Variants in TMEM201 observed in about 807,000 individuals in gnomAD.
The protein encoded by TMEM201 is RP13-15M17.2.
In TMEM201, 26 loss-of-function variants were observed where a neutral mutation model predicts 63.4. The ratio of observed to expected loss-of-function variants is 0.41; its 90% CI spans 0.30 to 0.57. The LOEUF (loss-of-function observed/expected upper bound fraction) is 0.57, where lower values mean the gene tolerates loss of function less well. Ranked by LOEUF, TMEM201 falls within the 20% of genes least tolerant of loss-of-function variation. TMEM201 has a pLI of 0.29. For synonymous variants in TMEM201, 417 were observed against 421.6 expected, an observed-to-expected ratio of 0.99 and a Z score of 0.14; for missense variants, 794 against 917.7, an observed-to-expected ratio of 0.87 and a Z score of 1.74.
At chr1:9,597,868 C>T (rs1569924815) in intron 3 of TMEM201, among the ~76,000 whole-genome samples, 2 of 152,356 alleles carry the variant, frequency 1.3e-5, no homozygotes, top group East Asian at 3.9e-4. Context: ...CCCTCCTGGC[C>T]TTGCAGGCCA....
chr1:9,611,891 G>T lies in TMEM201; in HGVS notation c.1903+1G>T, dbSNP rs1225458209. 6.5e-7 allele frequency: 1 copy of T among 1,544,526 alleles called. No homozygotes were observed. ...TCGGAGGAGGCCGCCACCTGGAGAG[G>T]TCTGTACCCTGAGGTGCGGGAGGGG... is the stretch of plus-strand genomic sequence containing the variant. On this transcript the variant is annotated splice_donor_variant, in intron 10 of 10. Transcript: ENST00000340381. LOFTEE classifies it high-confidence loss of function.
chr1:9,604,042 C>T lies in TMEM201; in HGVS notation c.1160+1770C>T. ...GAACCGCCTGCCTGTGCACTCACGC[C>T]ACCCCCCAGCCCACAAAGAGCCCAT... is the stretch of plus-strand genomic sequence containing the variant. On this transcript the variant is annotated intron_variant, in intron 6 of 10. Transcript: ENST00000340381. The surrounding 1 kb of genome is among the most constrained non-coding windows in gnomAD (Gnocchi z 4.1). 8 of 985,416 alleles carry T rather than the reference C, an allele frequency of 8.1e-6. No individual in the cohort carries two copies. Among genetic ancestry groups the T allele is most frequent in the Non-Finnish European group, 9.6e-6 (8 of 829,948 alleles). 61.0% of individuals were successfully genotyped at this position (985,416 alleles called of 1,614,324 possible). A position where few individuals can be genotyped will look rare whatever the true frequency, so the allele number is the denominator to read the frequency against.
At chr1:9,593,639 G>T (rs1470680158) in intron 1 of TMEM201, among the ~76,000 whole-genome samples, 2 of 152,210 alleles carry the variant, frequency 1.3e-5, no homozygotes, top group Admixed American at 6.5e-5. Flanking sequence ...TGACTTCCTG[G>T]GGTGGGCGGG....
Position 9,601,407 on chromosome 1 carries a change from G to A in TMEM201, c.909G>A (p.Leu303=). 1 of 1,599,764 alleles carries A rather than the reference G, an allele frequency of 6.3e-7. No individual in the cohort carries two copies. Among genetic ancestry groups the A allele is most frequent in the South Asian group, 1.1e-5 (1 of 90,920 alleles). The change falls in exon 5 of 11, where the codon CTG becomes CTA. Residue 303 remains leucine (L), a synonymous_variant. Coordinates refer to ENST00000340381, the MANE Select transcript of TMEM201 (RefSeq NM_001130924.3). ...GQSHQTGVVA[L]GLLTCLLAML... The stretch of plus-strand genomic sequence containing the variant: ...GCCACCAGACGGGCGTCGTGGCACT[G>A]GGCCTACTCACCTGCCTGCTGGCAA...
chr1:9,610,907 T>C lies in TMEM201; in HGVS notation c.1765+102T>C. The C allele has an allele frequency of 1.3e-6, 2 of 1,490,008 alleles. No homozygotes were observed. The highest frequency in any genetic ancestry group is 2.5e-5 in the East Asian group (1 of 40,374). The allele number at this position is 1,490,008 out of a possible 1,614,324, so 92.3% of individuals were successfully genotyped here. A position where few individuals can be genotyped will look rare whatever the true frequency, so the allele number is the denominator to read the frequency against. On this transcript the variant is annotated intron_variant, in intron 9 of 10. Transcript: ENST00000340381. The surrounding 1 kb of genome is among the most constrained non-coding windows in gnomAD (Gnocchi z 4.9). The stretch of plus-strand genomic sequence containing the variant: ...GGGCTCATCCTTGCTCTGACTCCGG[T>C]GTGCGCCTTCCCACCCTGGAGCTCT...
At position 9,601,214 on chromosome 1, in the gene TMEM201, A is replaced by G. The variant is rs146348596; in HGVS notation, c.716A>G (p.His239Arg). 66 of 1,612,318 alleles carry G rather than the reference A, an allele frequency of 4.1e-5. No homozygotes were observed. The African/African-American group carries it at 7.7e-4, about 19-fold the overall frequency. The change falls in exon 5 of 11, where the codon CAC becomes CGC. Residue 239 changes from histidine (H) to arginine (R), a missense_variant. By Grantham distance (29) the His-to-Arg change is conservative. Coordinates refer to ENST00000340381, the MANE Select transcript of TMEM201 (RefSeq NM_001130924.3). ...ACCGCGCTGTATGGGGCCAGCGGAC[A>G]CTTCGCCCCAGGCACCACTGTGCCC... is the stretch of plus-strand genomic sequence containing the variant. ...LTTALYGASG[H>R]FAPGTTVPLA...
intron 10 of TMEM201, among the ~76,000 whole-genome samples, 157 bp from the exon 11 acceptor site, chr1:9,612,829 G>A (rs1431675804): frequency 1.3e-5 from 2 of 152,198 alleles, no homozygotes; most frequent in East Asian, 1.9e-4. Context: ...GGAAGCCTTT[G>A]GCCAAGAGAA....
At position 9,597,018 on chromosome 1, in the gene TMEM201, A is replaced by G. The variant is rs1644036463; in HGVS notation, c.394A>G (p.Ile132Val). 2.1e-5 allele frequency: 34 copies of G among 1,610,124 alleles called. No homozygotes were observed. In the East Asian group the frequency reaches 7.6e-4, roughly 36 times the overall value. ...KRCNHHQTTK[I>V]KQLAAFAPRE... ...GTGCAACCACCACCAGACCACCAAG[A>G]TCAAGCAGCTGGCCGCCTTCGCTCC... is the stretch of plus-strand genomic sequence containing the variant. Residue 132 changes from isoleucine (I) to valine (V), a missense_variant, in exon 3 of 11, where the codon ATC becomes GTC. By Grantham distance (29) the Ile-to-Val change is conservative. Transcript: ENST00000340381.
In TMEM201 at chr1:9,613,554, C is replaced by T. The variant is rs1046984659; in HGVS notation, c.*471C>T. 2 of 161,026 alleles carry T rather than the reference C, an allele frequency of 1.2e-5. No individual in the cohort carries two copies. The highest frequency in any genetic ancestry group is 1.2e-4 in the Admixed American group (2 of 16,476). The allele number at this position is 161,026 out of a possible 1,614,324, so 10.0% of individuals were successfully genotyped here. On this transcript the variant is annotated 3_prime_UTR_variant, in exon 11 of 11. Transcript: ENST00000340381. Reference sequence around the variant, plus strand: ...TCAGAGCCCCACTAAGCTGAAGGCCCCCTGGGGGAGGGGGAAGCATGGTCC... The same window carrying T: ...TCAGAGCCCCACTAAGCTGAAGGCCTCCTGGGGGAGGGGGAAGCATGGTCC...
rs1004977270 is a variant in TMEM201 at position 9,604,037 on chromosome 1, C to T, written c.1160+1765C>T. 2.0e-6 allele frequency: 2 copies of T among 985,348 alleles called. No individual in the cohort carries two copies. The highest frequency in any genetic ancestry group is 2.4e-6 in the Non-Finnish European group (2 of 829,972). 61.0% of individuals were successfully genotyped at this position (985,348 alleles called of 1,614,324 possible). A position where few individuals can be genotyped will look rare whatever the true frequency, so the allele number is the denominator to read the frequency against. ...GCAGGGAACCGCCTGCCTGTGCACT[C>T]ACGCCACCCCCCAGCCCACAAAGAG... is the stretch of plus-strand genomic sequence containing the variant. On this transcript the variant is annotated intron_variant, in intron 6 of 10. Transcript: ENST00000340381. This position sits in a 1 kb window ranked among gnomAD's most constrained non-coding sequence, Gnocchi z 4.1.
At chr1:9,612,444 G>A (rs1445778856) in intron 10 of TMEM201, among the ~76,000 whole-genome samples, 3 of 152,240 alleles carry the variant, frequency 2.0e-5, no homozygotes, top group Admixed American at 2.0e-4. Flanking sequence ...TGGGTGGGGA[G>A]GAGGGGGTGT....
At chr1:9,597,467 G>T (rs918673093) in intron 3 of TMEM201, among the ~76,000 whole-genome samples, 1 of 152,192 alleles carries the variant, frequency 6.6e-6, no homozygotes, top group East Asian at 1.9e-4. Context: ...TGGTGGCCCC[G>T]GCAGTCTGCT....
chr1:9,592,481 G>A (rs1643937283), intron 1 of TMEM201, among the ~76,000 whole-genome samples: 2 of 152,188 alleles, frequency 1.3e-5, no homozygotes, highest in South Asian at 2.1e-4. Context: ...AGCTCCCCAG[G>A]GCAGGGACCA....
At chr1:9,597,134 T>C (rs1644040525) in intron 3 of TMEM201, 81 bp downstream of exon 3, 3 of 1,469,672 alleles carry the variant, frequency 2.0e-6, no homozygotes, top group East Asian at 4.7e-5. Context: ...ACGTGCAGGG[T>C]GCTGACTCTG....
chr1:9,603,517 C>T lies in TMEM201; in HGVS notation c.1160+1245C>T. 1 of 985,596 alleles carries T rather than the reference C, an allele frequency of 1.0e-6. No individual in the cohort carries two copies. The highest frequency in any genetic ancestry group is 1.2e-6 in the Non-Finnish European group (1 of 830,022). The allele number at this position is 985,596 out of a possible 1,614,324, so 61.1% of individuals were successfully genotyped here. A position where few individuals can be genotyped will look rare whatever the true frequency, so the allele number is the denominator to read the frequency against. On this transcript the variant is annotated intron_variant, in intron 6 of 10. Transcript: ENST00000340381. The surrounding 1 kb of genome is among the most constrained non-coding windows in gnomAD (Gnocchi z 4.5). The stretch of plus-strand genomic sequence containing the variant: ...CAGGGCCCACATGTCCTGCCACTCG[C>T]CACTCTGAGCACGAGTTCACCTTCC...
chr1:9,604,318 C>G lies in TMEM201; in HGVS notation c.1160+2046C>G. 1 of 985,466 alleles carries G rather than the reference C, an allele frequency of 1.0e-6. No individual in the cohort carries two copies. Among genetic ancestry groups the G allele is most frequent in the Non-Finnish European group, 1.2e-6 (1 of 829,936 alleles). 61.0% of individuals were successfully genotyped at this position (985,466 alleles called of 1,614,324 possible). ...CTGCCGAGCTGATGTCGCTCCTGCC[C>G]TCTGCCGGGGTCCGGAAGCGACATC... On this transcript the variant is annotated intron_variant, in intron 6 of 10. Coordinates refer to ENST00000340381, the MANE Select transcript of TMEM201 (RefSeq NM_001130924.3). This position sits in a 1 kb window ranked among gnomAD's most constrained non-coding sequence, Gnocchi z 4.1.
At chr1:9,609,941 C>CG in intron 8 of TMEM201, 30 bp downstream of exon 8, 3 of 1,547,600 alleles carry the variant, frequency 1.9e-6, no homozygotes, top group Non-Finnish European at 2.6e-6. Context: ...AAGTGGGGGA[C>CG]GGGGCAACAT....
chr1:9,595,930 A>G lies in TMEM201; in HGVS notation c.154A>G (p.Asn52Asp), dbSNP rs1453331122. The G allele has an allele frequency of 3.1e-6, 5 of 1,613,750 alleles. No individual in the cohort carries two copies. The South Asian group carries it at 4.4e-5, about 14-fold the overall frequency. ...THTMVNCWFCNQDTLVPYGNR... is the reference protein window; with the variant it reads ...THTMVNCWFCDQDTLVPYGNR... The stretch of plus-strand genomic sequence containing the variant: ...CACGATGGTCAACTGCTGGTTCTGC[A>G]ACCAGGATACGCTGGTGCCCTATGG... The change falls in exon 2 of 11, where the codon AAC becomes GAC. Residue 52 changes from asparagine (N) to aspartate (D), a missense_variant. Transcript: ENST00000340381.
At chr1:9,606,755 C>T (rs1438412018) in intron 6 of TMEM201, 2 of 152,300 alleles carry the variant, frequency 1.3e-5, no homozygotes, top group Non-Finnish European at 2.9e-5. Flanking sequence ...GACGTTCTGG[C>T]GTGGGGCCAT....
Sources: gnomAD v4.1 joint callset for allele counts (sites outside exome capture counted in the v4.1 genomes callset) on GRCh38, gnomAD v4.1.1 for gene constraint, Gnocchi (gnomAD v3.1) non-coding constraint, MANE v1.5 for transcripts, NCBI Gene and HGNC (gene_info 2026-07-23, HGNC 2026-07-21) for gene names.